RNF220: variants seen among roughly 807,000 people sequenced by gnomAD.
RNF220 encodes the protein E3 ubiquitin-protein ligase RNF220.
In RNF220, 7 loss-of-function variants were observed where a neutral mutation model predicts 67.1. The observed-to-expected ratio is 0.10, with a 90% confidence interval of 0.06 to 0.20. The LOEUF is 0.20. RNF220 is among the 10% of genes least tolerant of loss of function. The pLI is 1.00. For missense variants in RNF220, 565 were observed against 740.3 expected, an observed-to-expected ratio of 0.76 and a Z score of 2.75; for synonymous variants, 270 against 283.2, an observed-to-expected ratio of 0.95 and a Z score of 0.47.
At chr1:44,445,367 C>A (rs1275264536) in intron 2 of RNF220, among the ~76,000 whole-genome samples, 2 of 152,130 alleles carry the variant, frequency 1.3e-5, no homozygotes, top group South Asian at 2.1e-4. Context: ...CTAAGAGAAA[C>A]CCTGTTGTTG....
chr1:44,529,292 G>A (rs1427838873), intron 2 of RNF220, among the ~76,000 whole-genome samples: 1 of 151,644 alleles, frequency 6.6e-6, no homozygotes, highest in Non-Finnish European at 1.5e-5. Context: ...GAATATTTCA[G>A]CAGAGATCCT....
At chr1:44,433,815 T>C (rs1337843962) in intron 2 of RNF220, among the ~76,000 whole-genome samples, 1 of 151,948 alleles carries the variant, frequency 6.6e-6, no homozygotes, top group African/African-American at 2.4e-5. Flanking sequence ...ATACAAACAT[T>C]AGCTGGTGCA....
At position 44,645,560 on chromosome 1, in the gene RNF220, G is replaced by T; in HGVS notation, c.1445+72G>T. ...AGGAGGGGCCCTTTGCTAGCAGGAA[G>T]GCCTGCTGCCAGGGCTTCTGGCCCT... On this transcript the variant is annotated intron_variant, in intron 12 of 14. Coordinates refer to ENST00000361799, the MANE Select transcript of RNF220 (RefSeq NM_018150.4). The surrounding 1 kb of genome is among the most constrained non-coding windows in gnomAD (Gnocchi z 5.0). 3.4e-6 allele frequency: 5 copies of T among 1,485,260 alleles called. No individual in the cohort carries two copies. Among genetic ancestry groups the T allele is most frequent in the Non-Finnish European group, 4.7e-6 (5 of 1,074,428 alleles). 92.0% of individuals were successfully genotyped at this position (1,485,260 alleles called of 1,614,324 possible). A position where few individuals can be genotyped will look rare whatever the true frequency, so the allele number is the denominator to read the frequency against.
chr1:44,584,772 C>T (rs111453387), intron 2 of RNF220, among the ~76,000 whole-genome samples: 1 of 152,190 alleles, frequency 6.6e-6, no homozygotes, highest in Admixed American at 6.5e-5. Context: ...CATCTCAGCT[C>T]GCTGCAACCT....
intron 5 of RNF220, chr1:44,632,047 G>A (rs1479928616): frequency 1.8e-6 from 2 of 1,090,392 alleles, no homozygotes; most frequent in East Asian, 6.3e-5. Flanking sequence ...CGCCCGCATC[G>A]CCGCCCTCGC....
At chr1:44,589,258 C>T (rs965527071) in intron 2 of RNF220, among the ~76,000 whole-genome samples, 2 of 152,166 alleles carry the variant, frequency 1.3e-5, no homozygotes, top group East Asian at 3.9e-4. Context: ...GTGTGACCTT[C>T]GGCAAGTCAC....
chr1:44,444,522 C>G (rs953202113), intron 2 of RNF220, among the ~76,000 whole-genome samples: 1 of 152,114 alleles, frequency 6.6e-6, no homozygotes, highest in African/African-American at 2.4e-5. Context: ...CTCACTGCAA[C>G]CTCCATCTCC....
At chr1:44,571,568 A>G (rs1352054799) in intron 2 of RNF220, among the ~76,000 whole-genome samples, 1 of 152,228 alleles carries the variant, frequency 6.6e-6, no homozygotes, top group African/African-American at 2.4e-5. Context: ...GTAGGTGCTT[A>G]ATAAATTTCT....
At position 44,650,418 on chromosome 1, in the gene RNF220, G is replaced by A. The variant is rs1188449725; in HGVS notation, c.1630-286G>A. ...GGGCTCTGTGTCCTGATCAAAGGCC[G>A]CGTGTAATCTCGTTAGGGCTGCGGC... is the stretch of plus-strand genomic sequence containing the variant. On this transcript the variant is annotated intron_variant, in intron 14 of 14. Transcript: ENST00000361799. The surrounding 1 kb of genome is among the most constrained non-coding windows in gnomAD (Gnocchi z 4.3). 12 of 514,154 alleles carry A rather than the reference G, an allele frequency of 2.3e-5. No homozygotes were observed. Among genetic ancestry groups the A allele is most frequent in the East Asian group, 3.3e-5 (1 of 30,226 alleles). The allele number at this position is 514,154 out of a possible 1,614,324, so 31.8% of individuals were successfully genotyped here.
intron 2 of RNF220, among the ~76,000 whole-genome samples, chr1:44,434,180 G>C (rs72893861): frequency 6.6e-6 from 1 of 151,918 alleles, no homozygotes; most frequent in Admixed American, 6.6e-5. Context: ...GATGAGCCAG[G>C]CACAACTATG....
At chr1:44,577,838 CT>C (rs35754102) in intron 2 of RNF220, among the ~76,000 whole-genome samples, 9,745 of 140,238 alleles carry the variant, frequency 0.069, 904 homozygotes, top group African/African-American at 0.23. Flanking sequence ...TGTCAAATGC[CT>C]TTTTTTTTTT....
chr1:44,546,714 A>G (rs893500659), intron 2 of RNF220, among the ~76,000 whole-genome samples: 3 of 151,638 alleles, frequency 2.0e-5, no homozygotes, highest in Non-Finnish European at 2.9e-5. Flanking sequence ...CTCGGGCATC[A>G]CTCCTGACCC....
chr1:44,587,829 A>G (rs980865365), intron 2 of RNF220, among the ~76,000 whole-genome samples: 9 of 152,254 alleles, frequency 5.9e-5, no homozygotes, highest in South Asian at 2.1e-4. Context: ...CACCTTAGAC[A>G]CAGTGCTTGC....
intron 2 of RNF220, among the ~76,000 whole-genome samples, chr1:44,503,070 A>G (rs1658071904): frequency 6.6e-6 from 1 of 152,132 alleles, no homozygotes; most frequent in Non-Finnish European, 1.5e-5. Context: ...GCAGTGGCTC[A>G]CACCTATAAT....
chr1:44,429,383 G>C (rs939183009), intron 2 of RNF220, among the ~76,000 whole-genome samples: 3 of 152,182 alleles, frequency 2.0e-5, no homozygotes, highest in Non-Finnish European at 2.9e-5. Context: ...ATTTTCAGGT[G>C]TCCCTATTAA....
intron 12 of RNF220, among the ~76,000 whole-genome samples, chr1:44,647,308 G>A (rs1009941005): frequency 6.6e-6 from 1 of 152,204 alleles, no homozygotes; most frequent in East Asian, 1.9e-4. Flanking sequence ...AGTCCTTGGA[G>A]TGGAAGGGAG....
chr1:44,631,463 G>A (rs562245968), intron 5 of RNF220, among the ~76,000 whole-genome samples: 74 of 152,354 alleles, frequency 4.9e-4, no homozygotes, highest in African/African-American at 1.6e-3. Flanking sequence ...CAAGAGGAAG[G>A]CCTCTGTTTG....
intron 8 of RNF220, among the ~76,000 whole-genome samples, chr1:44,640,261 A>G (rs1644449013): frequency 1.3e-5 from 2 of 152,212 alleles, no homozygotes; most frequent in African/African-American, 4.8e-5. Context: ...AGGTGCTAAA[A>G]ATGTCCCCCA....
intron 3 of RNF220, among the ~76,000 whole-genome samples, chr1:44,619,738 T>G (rs1048324528): frequency 3.3e-5 from 5 of 152,188 alleles, no homozygotes; most frequent in Non-Finnish European, 7.4e-5. Flanking sequence ...GCTGATGGGC[T>G]GGGCGGGAGC....
Sources: allele counts gnomAD v4.1 joint callset (sites outside exome capture counted in the v4.1 genomes callset), GRCh38; gene constraint gnomAD v4.1.1; non-coding constraint Gnocchi (gnomAD v3.1); transcripts MANE v1.5; gene names NCBI Gene and HGNC (gene_info 2026-07-23, HGNC 2026-07-21).